MEGF10: variants seen among roughly 807,000 people sequenced by gnomAD.
MEGF10 encodes the protein multiple epidermal growth factor-like domains protein 10.
MEGF10 carries 86 observed loss-of-function variants against 147.5 expected under a neutral mutation model. The ratio of observed to expected loss-of-function variants is 0.58; its 90% CI spans 0.49 to 0.70. MEGF10 has a LOEUF of 0.70. Among genes scored for constraint, MEGF10 ranks in the 30% least tolerant of loss-of-function variants. MEGF10 has a pLI of 0.00. For synonymous variants in MEGF10, 478 were observed against 525.5 expected, an observed-to-expected ratio of 0.91 and a Z score of 1.24; for missense variants, 1,329 against 1,487.3, an observed-to-expected ratio of 0.89 and a Z score of 1.75.
intron 13 of MEGF10, among the ~76,000 whole-genome samples, chr5:127,425,489 A>C (rs1765180730): frequency 6.6e-6 from 1 of 152,146 alleles, no homozygotes; most frequent in African/African-American, 2.4e-5. Flanking sequence ...AGCATCTGTC[A>C]GTATCTAAGC....
chr5:127,324,378 T>A lies in MEGF10; in HGVS notation c.-18-6913T>A, dbSNP rs144251346. On this transcript the variant is annotated intron_variant, in intron 1 of 24. Coordinates refer to ENST00000503335, the MANE Select transcript of MEGF10 (RefSeq NM_001256545.2). ...GTTTCTTTCTCTAATAAAAAAGAGATGTAACTTGTTTTCTCAGTAGGAAAT... is the reference window on the plus strand; with the variant it reads ...GTTTCTTTCTCTAATAAAAAAGAGAAGTAACTTGTTTTCTCAGTAGGAAAT... Among the ~76,000 whole-genome samples the A allele has an allele frequency of 1.8e-4, 28 of 152,292 alleles. 1 individual carries two copies. In the East Asian group the frequency reaches 5.4e-3, roughly 29 times the overall value.
At chr5:127,247,225 GA>G in the MEGF10 span, among the ~76,000 whole-genome samples, 14 of 133,724 alleles carry the variant, frequency 1.0e-4, no homozygotes, top group South Asian at 2.5e-4. Context: ...CATTAGAGGA[GA>G]AAAAAAAACT....
intron 4 of MEGF10, among the ~76,000 whole-genome samples, chr5:127,364,844 C>G (rs145450716): frequency 3.9e-5 from 6 of 152,286 alleles, no homozygotes; most frequent in African/African-American, 1.4e-4. Flanking sequence ...CTTTTCACCC[C>G]TACTCCCTCT....
intron 17 of MEGF10, among the ~76,000 whole-genome samples, chr5:127,439,795 C>T (rs1446730401): frequency 6.6e-6 from 1 of 152,160 alleles, no homozygotes; most frequent in Non-Finnish European, 1.5e-5. Flanking sequence ...GGCTTAGTTC[C>T]TGTCTACAAG....
chr5:127,301,877 G>A (rs757888022), intron 1 of MEGF10, among the ~76,000 whole-genome samples: 8 of 152,082 alleles, frequency 5.3e-5, no homozygotes, highest in African/African-American at 7.2e-5. Context: ...TGAAAGAATC[G>A]TTCAAATGCT....
chr5:127,309,797 G>T (rs1284533808), intron 1 of MEGF10, among the ~76,000 whole-genome samples: 1 of 151,260 alleles, frequency 6.6e-6, no homozygotes, highest in South Asian at 2.1e-4. Flanking sequence ...TTCTTTTTTG[G>T]GTATATATAC....
intron 4 of MEGF10, among the ~76,000 whole-genome samples, chr5:127,349,837 T>A (rs531612379): frequency 6.6e-6 from 1 of 152,252 alleles, no homozygotes; most frequent in South Asian, 2.1e-4. Context: ...TAAGACATAT[T>A]ATTTCCTAGT....
chr5:127,237,189 G>A, the MEGF10 span, among the ~76,000 whole-genome samples: 1 of 152,138 alleles, frequency 6.6e-6, no homozygotes, highest in Admixed American at 6.5e-5. Context: ...TAAAATTCAC[G>A]CCTGTTGTAG....
intron 5 of MEGF10, among the ~76,000 whole-genome samples, chr5:127,371,472 G>T (rs916801821): frequency 6.6e-6 from 1 of 152,114 alleles, no homozygotes; most frequent in Non-Finnish European, 1.5e-5. Flanking sequence ...GTTGTGCCTA[G>T]ACATCTTGAA....
the MEGF10 span, among the ~76,000 whole-genome samples, chr5:127,267,897 G>T: frequency 6.6e-6 from 1 of 152,064 alleles, no homozygotes; most frequent in Non-Finnish European, 1.5e-5. Flanking sequence ...TTTTTTGAAG[G>T]ATTTTTTATG....
intron 5 of MEGF10, among the ~76,000 whole-genome samples, chr5:127,391,573 TAAA>T (rs1346677209): frequency 1.8e-5 from 2 of 113,736 alleles, no homozygotes; most frequent in Non-Finnish European, 2.0e-5. Flanking sequence ...CTGTCTAAAA[TAAA>T]AAAAAAAAAA....
intron 5 of MEGF10, among the ~76,000 whole-genome samples, chr5:127,383,273 A>G (rs1763320312): frequency 6.6e-6 from 1 of 152,158 alleles, no homozygotes; most frequent in Admixed American, 6.5e-5. Context: ...TAGTATAATA[A>G]TGAACTCCGT....
At chr5:127,377,474 T>C (rs1763076653) in intron 5 of MEGF10, among the ~76,000 whole-genome samples, 1 of 152,194 alleles carries the variant, frequency 6.6e-6, no homozygotes, top group Non-Finnish European at 1.5e-5. Context: ...TTGGGTTTTA[T>C]TGAGTCACTA....
At chr5:127,381,986 T>G (rs1274352212) in intron 5 of MEGF10, among the ~76,000 whole-genome samples, 1 of 152,244 alleles carries the variant, frequency 6.6e-6, no homozygotes, top group African/African-American at 2.4e-5. Context: ...TGGTTTATTT[T>G]TATAATTCGG....
chr5:127,248,998 T>C, the MEGF10 span, among the ~76,000 whole-genome samples: 1 of 151,928 alleles, frequency 6.6e-6, no homozygotes, highest in South Asian at 2.1e-4. Context: ...AAGCTGAAGA[T>C]AAAACTTAGA....
chr5:127,234,809 A>G, the MEGF10 span, among the ~76,000 whole-genome samples: 1 of 150,912 alleles, frequency 6.6e-6, no homozygotes, highest in African/African-American at 2.4e-5. Context: ...CTATATTGGT[A>G]GTTCAATAAC....
chr5:127,402,524 T>G, intron 7 of MEGF10, 22 bp from the exon 8 acceptor site: 3 of 1,606,938 alleles, frequency 1.9e-6, no homozygotes, highest in Non-Finnish European at 2.5e-6. Flanking sequence ...CCATCTAATT[T>G]TCCAAGTCTC....
intron 5 of MEGF10, among the ~76,000 whole-genome samples, chr5:127,383,004 A>G (rs1035655936): frequency 3.3e-5 from 5 of 152,230 alleles, no homozygotes; most frequent in African/African-American, 1.2e-4. Context: ...CATGAAGGCA[A>G]ATTGGCAGAG....
chr5:127,362,378 T>C (rs77198001), intron 4 of MEGF10, among the ~76,000 whole-genome samples: 1 of 150,670 alleles, frequency 6.6e-6, no homozygotes, highest in African/African-American at 2.4e-5. Flanking sequence ...AATTATTATT[T>C]TTTTTTTTTG....
Sources: gnomAD v4.1 joint callset for allele counts (sites outside exome capture counted in the v4.1 genomes callset) on GRCh38, gnomAD v4.1.1 for gene constraint, MANE v1.5 for transcripts, NCBI Gene and HGNC (gene_info 2026-07-23, HGNC 2026-07-21) for gene names.